Variants in HRH1 observed in about 807,000 individuals in gnomAD.
HRH1 encodes the protein histamine receptor H1.
A neutral mutation model predicts 10.3 loss-of-function variants in HRH1; 6 were observed. The observed-to-expected ratio is 0.58, with a 90% CI of 0.32 to 1.15. The LOEUF is 1.15. Ranked by LOEUF, HRH1 falls within the 50% of genes most tolerant of loss-of-function variation. The pLI, the probability that HRH1 is intolerant of heterozygous loss-of-function variation, is 0.05. For synonymous variants in HRH1, 242 were observed against 236.7 expected, an observed-to-expected ratio of 1.02 and a Z score of -0.21; for missense variants, 514 against 615.3, an observed-to-expected ratio of 0.84 and a Z score of 1.74.
At chr3:11,161,279 T>G (rs963662176) in intron 1 of HRH1, among the ~76,000 whole-genome samples, 1 of 152,274 alleles carries the variant, frequency 6.6e-6, no homozygotes, top group African/African-American at 2.4e-5. Context: ...CTGCTTTCTC[T>G]TCTTTTTTCA....
chr3:11,173,188 A>G (rs1048867206), intron 1 of HRH1, among the ~76,000 whole-genome samples: 1 of 152,170 alleles, frequency 6.6e-6, no homozygotes, highest in African/African-American at 2.4e-5. Context: ...TTTGAATCTC[A>G]GCTGCACCAT....
chr3:11,259,034 G>T lies in HRH1; in HGVS notation c.-4G>T. 1 of 1,580,198 alleles carries T rather than the reference G, an allele frequency of 6.3e-7. No individual in the cohort carries two copies. The highest frequency in any genetic ancestry group is 8.6e-7 in the Non-Finnish European group (1 of 1,162,642). On this transcript the variant is annotated 5_prime_UTR_variant, in exon 2 of 2. Coordinates refer to ENST00000431010, the MANE Select transcript of HRH1 (RefSeq NM_001098212.2). The surrounding 1 kb of genome is among the most constrained non-coding windows in gnomAD (Gnocchi z 4.6). ...AGCCATAACTGGTGGCTGCTCTTGCGCCAATGAGCCTCCCCAATTCCTCCT... is the reference window on the plus strand; with the variant it reads ...AGCCATAACTGGTGGCTGCTCTTGCTCCAATGAGCCTCCCCAATTCCTCCT...
intron 1 of HRH1, among the ~76,000 whole-genome samples, chr3:11,199,708 T>C (rs1258869854): frequency 6.6e-6 from 1 of 152,128 alleles, no homozygotes; most frequent in Non-Finnish European, 1.5e-5. Flanking sequence ...CCCAGGCATA[T>C]TTGTCGCCTG....
intron 1 of HRH1, among the ~76,000 whole-genome samples, chr3:11,146,192 C>T (rs1936438999): frequency 6.6e-6 from 1 of 152,150 alleles, no homozygotes; most frequent in Admixed American, 6.5e-5. Flanking sequence ...CCAGTGGTTC[C>T]ACATCCTGTC....
chr3:11,171,046 C>G (rs1937141075), intron 1 of HRH1, among the ~76,000 whole-genome samples: 1 of 151,846 alleles, frequency 6.6e-6, no homozygotes, highest in Admixed American at 6.6e-5. Context: ...ATCTCTTCAT[C>G]AAAATGTGTC....
At chr3:11,166,792 A>T (rs1031360807) in intron 1 of HRH1, among the ~76,000 whole-genome samples, 1 of 141,414 alleles carries the variant, frequency 7.1e-6, no homozygotes, top group Admixed American at 7.1e-5. Flanking sequence ...GGCCCATGAC[A>T]TCTCCTGTCC....
chr3:11,177,931 C>T (rs111348672), intron 1 of HRH1, among the ~76,000 whole-genome samples: 17 of 152,202 alleles, frequency 1.1e-4, no homozygotes, highest in African/African-American at 3.6e-4. Flanking sequence ...GCCACCCCAC[C>T]TCCCTCTGAA....
In HRH1 at chr3:11,238,251, C is replaced by T. The variant is rs540074858; in HGVS notation, c.-35-20752C>T. Among the ~76,000 whole-genome samples, 13 of 152,294 alleles carry T rather than the reference C, an allele frequency of 8.5e-5. No homozygotes were observed. The East Asian group carries it at 2.5e-3, about 29-fold the overall frequency. Reference sequence around the variant, plus strand: ...TGCGGGAGGAAAGGGTTTGATGTAGCTCAGTCATTCCTCTCCTTCCACTTC... The same window carrying T: ...TGCGGGAGGAAAGGGTTTGATGTAGTTCAGTCATTCCTCTCCTTCCACTTC... On this transcript the variant is annotated intron_variant, in intron 1 of 1. Coordinates refer to ENST00000431010, the MANE Select transcript of HRH1 (RefSeq NM_001098212.2).
chr3:11,187,090 C>T (rs1937462040), intron 1 of HRH1, among the ~76,000 whole-genome samples: 1 of 152,184 alleles, frequency 6.6e-6, no homozygotes, highest in African/African-American at 2.4e-5. Flanking sequence ...CAGACCTTCC[C>T]TTTCCCAAGC....
At chr3:11,187,698 A>G (rs999575144) in intron 1 of HRH1, among the ~76,000 whole-genome samples, 4 of 152,240 alleles carry the variant, frequency 2.6e-5, no homozygotes, top group African/African-American at 9.6e-5. Context: ...TCCTGTCTTC[A>G]GGAAGCATCA....
chr3:11,207,426 C>T (rs1167268549), intron 1 of HRH1, among the ~76,000 whole-genome samples: 4 of 151,904 alleles, frequency 2.6e-5, no homozygotes, highest in African/African-American at 4.8e-5. Context: ...AAAAATTAGC[C>T]GGGTGTGGTG....
intron 1 of HRH1, among the ~76,000 whole-genome samples, chr3:11,149,491 C>A (rs1208085389): frequency 6.6e-6 from 1 of 152,162 alleles, no homozygotes; most frequent in Non-Finnish European, 1.5e-5. Flanking sequence ...AAATAAAAAT[C>A]TGTTAGAAGG....
chr3:11,228,339 C>T (rs572152365), intron 1 of HRH1, among the ~76,000 whole-genome samples: 1 of 152,226 alleles, frequency 6.6e-6, no homozygotes, highest in South Asian at 2.1e-4. Context: ...TGTGCTCATG[C>T]CGCTGCACTC....
At chr3:11,258,435 C>T (rs1939842390) in intron 1 of HRH1, among the ~76,000 whole-genome samples, 1 of 152,196 alleles carries the variant, frequency 6.6e-6, no homozygotes, top group African/African-American at 2.4e-5. Context: ...AACATCACTT[C>T]CTCACATCCT....
At chr3:11,246,038 TCA>T (rs768858550) in intron 1 of HRH1, among the ~76,000 whole-genome samples, 21 of 149,184 alleles carry the variant, frequency 1.4e-4, no homozygotes, top group East Asian at 3.9e-4. Context: ...ATACACACAC[TCA>T]CACATTCACA....
At chr3:11,158,812 A>G (rs1936869731) in intron 1 of HRH1, among the ~76,000 whole-genome samples, 1 of 152,236 alleles carries the variant, frequency 6.6e-6, no homozygotes, top group African/African-American at 2.4e-5. Context: ...AATTCAAAAA[A>G]ATGTATTTGT....
At chr3:11,187,719 C>T (rs1162249975) in intron 1 of HRH1, among the ~76,000 whole-genome samples, 1 of 152,092 alleles carries the variant, frequency 6.6e-6, no homozygotes, top group Non-Finnish European at 1.5e-5. Context: ...ATCCTCAATC[C>T]CAACCCTCAA....
intron 1 of HRH1, among the ~76,000 whole-genome samples, chr3:11,229,009 A>G (rs1296185842): frequency 1.3e-5 from 2 of 152,166 alleles, no homozygotes; most frequent in African/African-American, 2.4e-5. Context: ...AGATATGGCT[A>G]AGGGATACAG....
At chr3:11,244,600 C>T (rs1939432147) in intron 1 of HRH1, among the ~76,000 whole-genome samples, 1 of 152,212 alleles carries the variant, frequency 6.6e-6, no homozygotes, top group Non-Finnish European at 1.5e-5. Context: ...TATCTAAAAC[C>T]AACGTTGCTG....
Sources: allele counts gnomAD v4.1 joint callset (sites outside exome capture counted in the v4.1 genomes callset), GRCh38; gene constraint gnomAD v4.1.1; non-coding constraint Gnocchi (gnomAD v3.1); transcripts MANE v1.5; gene names NCBI Gene and HGNC (gene_info 2026-07-23, HGNC 2026-07-21).